STXBP5: variants seen among roughly 807,000 people sequenced by gnomAD.
STXBP5 encodes the protein syntaxin binding protein 5, also known as syntaxin-binding protein 5.
A neutral mutation model predicts 152.4 loss-of-function variants in STXBP5; 50 were observed. The ratio of observed to expected loss-of-function variants is 0.33; its 90% CI spans 0.26 to 0.42. The LOEUF (loss-of-function observed/expected upper bound fraction) is 0.42. STXBP5 is among the 10% of genes least tolerant of loss of function. The pLI, the probability that STXBP5 is intolerant of heterozygous loss-of-function variation, is 1.00. For missense variants in STXBP5, 1,167 were observed against 1,388.6 expected (o/e 0.84, Z 2.54); for synonymous variants, 492 against 494.7 (o/e 0.99, Z 0.07).
rs568465473 is a variant in STXBP5 at position 147,389,831 on chromosome 6, A to C, written c.*5076A>C. The C allele has an allele frequency of 6.7e-6, 1 of 149,598 alleles. No homozygotes were observed. Among genetic ancestry groups the C allele is most frequent in the Non-Finnish European group, 1.5e-5 (1 of 67,424 alleles). 9.3% of individuals were successfully genotyped at this position (149,598 alleles called of 1,614,324 possible). On this transcript the variant is annotated 3_prime_UTR_variant, in exon 28 of 28. Transcript: ENST00000321680. ...GGTAAATCTTGTTTTAATTTTTTTAACTTTTTTTTTTTGTAAATAAATAGT... is the reference window on the plus strand; with the variant it reads ...GGTAAATCTTGTTTTAATTTTTTTACCTTTTTTTTTTTGTAAATAAATAGT...
intron 9 of STXBP5, among the ~76,000 whole-genome samples, chr6:147,295,908 A>G (rs965326783): frequency 3.9e-5 from 6 of 152,136 alleles, no homozygotes; most frequent in African/African-American, 1.4e-4. Context: ...TGCTCAGGGG[A>G]CCAGTAGCCA....
chr6:147,339,404 A>G lies in STXBP5; in HGVS notation c.2254+20A>G, dbSNP rs534163255. The G allele has an allele frequency of 2.6e-5, 38 of 1,473,608 alleles. No individual in the cohort carries two copies. The South Asian group carries it at 3.2e-4, about 12-fold the overall frequency. The allele number at this position is 1,473,608 out of a possible 1,614,324, so 91.3% of individuals were successfully genotyped here. On this transcript the variant is annotated intron_variant, in intron 21 of 27. Coordinates refer to ENST00000321680, the MANE Select transcript of STXBP5 (RefSeq NM_001127715.4). ...ATATAGGTAGGAAATAGAAATTTCT[A>G]TTTTGTTTCTAATCCTTGCTATATG... is the stretch of plus-strand genomic sequence containing the variant.
At chr6:147,294,092 G>A (rs1781403674) in intron 9 of STXBP5, among the ~76,000 whole-genome samples, 1 of 152,182 alleles carries the variant, frequency 6.6e-6, no homozygotes, top group Non-Finnish European at 1.5e-5. Context: ...AAGTATTTTA[G>A]TGGCAGTTTT....
chr6:147,281,514 A>G (rs1179416721), intron 8 of STXBP5, among the ~76,000 whole-genome samples: 1 of 152,106 alleles, frequency 6.6e-6, no homozygotes, highest in African/African-American at 2.4e-5. Flanking sequence ...TCTCATTACT[A>G]TTGTCTGTTG....
chr6:147,281,575 A>G (rs1000083917), intron 8 of STXBP5, among the ~76,000 whole-genome samples: 4 of 152,186 alleles, frequency 2.6e-5, no homozygotes, highest in African/African-American at 9.7e-5. Flanking sequence ...AATTAGTTTA[A>G]ATATACTAGC....
intron 26 of STXBP5, among the ~76,000 whole-genome samples, chr6:147,375,815 A>T (rs529061786): frequency 3.3e-5 from 5 of 152,106 alleles, no homozygotes; most frequent in Admixed American, 3.3e-4. Flanking sequence ...AATTATAGAT[A>T]TTTTTTAACA....
intron 9 of STXBP5, among the ~76,000 whole-genome samples, chr6:147,295,589 G>T (rs776046012): frequency 6.6e-6 from 1 of 152,172 alleles, no homozygotes; most frequent in African/African-American, 2.4e-5. Flanking sequence ...ACGGCATAGA[G>T]GGGGAGCAAA....
At chr6:147,232,622 A>G (rs1778062121) in intron 2 of STXBP5, among the ~76,000 whole-genome samples, 1 of 151,750 alleles carries the variant, frequency 6.6e-6, no homozygotes, top group Non-Finnish European at 1.5e-5. Flanking sequence ...CATTTCTCTG[A>G]GCCTTAGATA....
At chr6:147,205,236 T>A (rs1164864433) in intron 1 of STXBP5, among the ~76,000 whole-genome samples, 1 of 152,166 alleles carries the variant, frequency 6.6e-6, no homozygotes, top group Non-Finnish European at 1.5e-5. Flanking sequence ...CATAGCGTTC[T>A]GTAATTCAGA....
chr6:147,217,250 T>TTTGTACA (rs1777217954), intron 2 of STXBP5, among the ~76,000 whole-genome samples: 1 of 152,268 alleles, frequency 6.6e-6, no homozygotes, highest in Admixed American at 6.5e-5. Flanking sequence ...TTTTTCCATC[T>TTTGTACA]GTTCAGTCTT....
intron 25 of STXBP5, among the ~76,000 whole-genome samples, chr6:147,373,211 C>T (rs1785642176): frequency 6.6e-6 from 1 of 151,766 alleles, no homozygotes; most frequent in Non-Finnish European, 1.5e-5. Context: ...CTACAAAATA[C>T]AATAATTACC....
In STXBP5 at chr6:147,260,690, C is replaced by T. The variant is rs927265904; in HGVS notation, c.507C>T (p.Val169=). The T allele has an allele frequency of 6.2e-7, 1 of 1,613,584 alleles. No homozygotes were observed. The highest frequency in any genetic ancestry group is 1.3e-5 in the African/African-American group (1 of 74,944). The change falls in exon 5 of 28, where the codon GTC becomes GTT. Residue 169 remains valine, a synonymous_variant. Coordinates refer to ENST00000321680, the MANE Select transcript of STXBP5 (RefSeq NM_001127715.4). ...CTGAACGAGGTAATATACATATTGT[C>T]AATGTGGAGTCCTTCACACTCTCAG... ...VGTERGNIHI[V]NVESFTLSGY...
At position 147,325,099 on chromosome 6, in the gene STXBP5, C is replaced by A; in HGVS notation, c.1928+15C>A. 6.8e-7 allele frequency: 1 copy of A among 1,479,696 alleles called. No homozygotes were observed. The highest frequency in any genetic ancestry group is 9.0e-7 in the Non-Finnish European group (1 of 1,106,570). 91.7% of individuals were successfully genotyped at this position (1,479,696 alleles called of 1,614,324 possible). On this transcript the variant is annotated intron_variant, in intron 17 of 27. Transcript: ENST00000321680. ...TCCTATGGACTGTAAGTATAAGTTA[C>A]GTTTTTTTCTAAGTCTCTTCATAGT...
intron 4 of STXBP5, among the ~76,000 whole-genome samples, chr6:147,244,017 A>G (rs1299946278): frequency 6.6e-6 from 1 of 152,134 alleles, no homozygotes; most frequent in African/African-American, 2.4e-5. Flanking sequence ...TATGGGATCC[A>G]CATCTGGATT....
At position 147,260,690 on chromosome 6, in the gene STXBP5, C is replaced by G; in HGVS notation, c.507C>G (p.Val169=). The change falls in exon 5 of 28, where the codon GTC becomes GTG. Residue 169 remains valine, a synonymous_variant. Coordinates refer to ENST00000321680, the MANE Select transcript of STXBP5 (RefSeq NM_001127715.4). ...VGTERGNIHI[V]NVESFTLSGY... is the part of the protein sequence containing the mutation. The stretch of plus-strand genomic sequence containing the variant: ...CTGAACGAGGTAATATACATATTGT[C>G]AATGTGGAGTCCTTCACACTCTCAG... The G allele has an allele frequency of 6.2e-7, 1 of 1,613,584 alleles. No individual in the cohort carries two copies. The highest frequency in any genetic ancestry group is 8.5e-7 in the Non-Finnish European group (1 of 1,179,738).
chr6:147,383,291 T>C (rs1284046594), intron 27 of STXBP5, among the ~76,000 whole-genome samples: 3 of 152,124 alleles, frequency 2.0e-5, no homozygotes, highest in African/African-American at 7.2e-5. Context: ...GCGATACCAA[T>C]GTTAATTTTT....
At chr6:147,287,941 T>C (rs1420136219) in intron 8 of STXBP5, among the ~76,000 whole-genome samples, 1 of 152,086 alleles carries the variant, frequency 6.6e-6, no homozygotes, top group Non-Finnish European at 1.5e-5. Context: ...ATAGGTGTTA[T>C]GAGTCATTTT....
chr6:147,276,967 A>T (rs1482631891), intron 7 of STXBP5, among the ~76,000 whole-genome samples: 2 of 152,098 alleles, frequency 1.3e-5, no homozygotes, highest in Non-Finnish European at 2.9e-5. Context: ...AACCATCGTA[A>T]GTAAGGGATC....
intron 6 of STXBP5, 44 bp from the exon 7 acceptor site, chr6:147,267,040 A>G: frequency 2.1e-6 from 3 of 1,461,380 alleles, no homozygotes; most frequent in Non-Finnish European, 2.8e-6. Flanking sequence ...ATGTTTTATA[A>G]TTGATATCAT....
Sources: gnomAD v4.1 joint callset for allele counts (sites outside exome capture counted in the v4.1 genomes callset) on GRCh38, gnomAD v4.1.1 for gene constraint, MANE v1.5 for transcripts, NCBI Gene and HGNC (gene_info 2026-07-23, HGNC 2026-07-21) for gene names.